The following REN variants were observed in gnomAD, a reference collection of about 807,000 sequenced individuals.
REN encodes the protein angiotensin-forming enzyme.
REN carries 42 observed loss-of-function variants against 48.6 expected under a neutral mutation model. The ratio of observed to expected loss-of-function variants is 0.86; its 90% confidence interval spans 0.68 to 1.12. The LOEUF is 1.12. Among genes scored for constraint, REN ranks in the 50% most tolerant of loss-of-function variants. REN has a pLI of 0.00. For missense variants in REN, 443 were observed against 527.3 expected (o/e 0.84, Z 1.57); for synonymous variants, 196 against 204.6 (o/e 0.96, Z 0.36).
chr1:204,160,716 G>A (rs1000761342), intron 3 of REN, 38 bp from the exon 4 acceptor site: 2 of 1,456,186 alleles, frequency 1.4e-6, no homozygotes, highest in Non-Finnish European at 1.9e-6. Flanking sequence ...GTCCAAGAGT[G>A]GCCCAGACAG....
intron 2 of REN, 137 bp from the exon 3 acceptor site, chr1:204,161,552 C>T: frequency 1.3e-6 from 1 of 795,826 alleles, no homozygotes. Context: ...TTCCATTTTC[C>T]TGCAGGAACT....
chr1:204,155,926 G>T lies in REN; in HGVS notation c.961-8C>A, dbSNP rs370025043. The T allele has an allele frequency of 7.3e-5, 117 of 1,607,538 alleles. 1 individual carries two copies. The highest frequency in any genetic ancestry group is 3.3e-4 in the Middle Eastern group (2 of 6,054). On this transcript the variant is annotated splice_polypyrimidine_tract_variant and splice_region_variant and intron_variant, in intron 8 of 9. Transcript: ENST00000272190. ...GTTACACTTCACGACATACTGGGGT[G>T]GGGGGCAAAGAGAGCCTTCTTGAGT...
chr1:204,162,986 C>T (rs1198925837), intron 1 of REN, among the ~76,000 whole-genome samples: 1 of 152,204 alleles, frequency 6.6e-6, no homozygotes, highest in Non-Finnish European at 1.5e-5. Flanking sequence ...AATGAAGGCT[C>T]ACAGGGACAA....
chr1:204,157,222 GGA>G, intron 6 of REN, 137 bp downstream of exon 6: 1 of 1,169,522 alleles, frequency 8.6e-7, no homozygotes, highest in Non-Finnish European at 1.3e-6. Context: ...AGAGCAGGAA[GGA>G]GAGACAGAGA....
intron 5 of REN, among the ~76,000 whole-genome samples, chr1:204,158,436 G>A (rs1264561456): frequency 6.3e-5 from 2 of 31,858 alleles, no homozygotes; most frequent in South Asian, 2.0e-3. Flanking sequence ...TTTTTTTTTT[G>A]AGACTGGATC....
chr1:204,156,826 C>T lies in REN; in HGVS notation c.699-30G>A, dbSNP rs778456264. ...AGGAAAGATCAGAAGCTCTTGGAAACCCATAACCTCCAGGACCCAGCAACT... is the reference window on the plus strand; with the variant it reads ...AGGAAAGATCAGAAGCTCTTGGAAATCCATAACCTCCAGGACCCAGCAACT... On this transcript the variant is annotated intron_variant, in intron 6 of 9. Coordinates refer to ENST00000272190, the MANE Select transcript of REN (RefSeq NM_000537.4). This position sits in a 1 kb window ranked among gnomAD's most constrained non-coding sequence, Gnocchi z 4.2. The T allele has an allele frequency of 1.9e-6, 3 of 1,612,444 alleles. No homozygotes were observed. The highest frequency in any genetic ancestry group is 1.7e-6 in the Non-Finnish European group (2 of 1,180,018).
intron 4 of REN, 22 bp downstream of exon 4, chr1:204,160,538 G>T (rs766112621): frequency 6.5e-7 from 1 of 1,533,358 alleles, no homozygotes; most frequent in Admixed American, 1.7e-5. Flanking sequence ...CGGGGCAGAT[G>T]ACCTAGGGCG....
At position 204,162,049 on chromosome 1, in the gene REN, G is replaced by A. The variant is rs554550392; in HGVS notation, c.213C>T (p.Asn71=). 1.2e-6 allele frequency: 2 copies of A among 1,614,162 alleles called. No homozygotes were observed. Among genetic ancestry groups the A allele is most frequent in the Non-Finnish European group, 1.7e-6 (2 of 1,180,030 alleles). ...TGGTGAGGATCACGGAGGAGGTGGT[G>A]TTGCCAAGTGTCAGCCTCTTCATGG... ...SQPMKRLTLG[N]TTSSVILTNY... The change falls in exon 2 of 10, where the codon AAC becomes AAT. Residue 71 remains asparagine, a synonymous_variant. Transcript: ENST00000272190.
In REN at chr1:204,155,930, G is replaced by T. The variant is rs886045834; in HGVS notation, c.961-12C>A. ...CACTTCACGACATACTGGGGTGGGG[G>T]GCAAAGAGAGCCTTCTTGAGTATGG... On this transcript the variant is annotated splice_polypyrimidine_tract_variant and intron_variant, in intron 8 of 9. Transcript: ENST00000272190. 3 of 1,603,030 alleles carry T rather than the reference G, an allele frequency of 1.9e-6. No individual in the cohort carries two copies. The highest frequency in any genetic ancestry group is 1.1e-5 in the South Asian group (1 of 90,800).
At chr1:204,166,119 T>A in intron 1 of REN, 77 bp downstream of exon 1, 2 of 1,186,068 alleles carry the variant, frequency 1.7e-6, no homozygotes, top group Non-Finnish European at 1.3e-6. Flanking sequence ...TGACACCGCA[T>A]GTGGAAAAGC....
rs866623763 is a variant in REN, at chr1:204,161,219, G to A, written c.373+73C>T. The A allele has an allele frequency of 1.6e-5, 23 of 1,483,732 alleles. No homozygotes were observed. In the Middle Eastern group the frequency reaches 1.8e-3, roughly 116 times the overall value. 91.9% of individuals were successfully genotyped at this position (1,483,732 alleles called of 1,614,324 possible). On this transcript the variant is annotated intron_variant, in intron 3 of 9. Coordinates refer to ENST00000272190, the MANE Select transcript of REN (RefSeq NM_000537.4). The stretch of plus-strand genomic sequence containing the variant: ...TGGTGGCAAGAGGGATGGGAGCTGG[G>A]TGTTGGGCAGGATTGCTCATGCACA...
At chr1:204,162,813 C>T (rs1409487014) in intron 1 of REN, among the ~76,000 whole-genome samples, 1 of 152,234 alleles carries the variant, frequency 6.6e-6, no homozygotes, top group Non-Finnish European at 1.5e-5. Flanking sequence ...CGCCATGCAC[C>T]TCGTCCTTGG....
At position 204,162,013 on chromosome 1, in the gene REN, G is replaced by A. The variant is rs766883051; in HGVS notation, c.249C>T (p.Asp83=). Residue 83 remains aspartate (D), a splice_region_variant and synonymous_variant, in exon 2 of 10, where the codon GAC becomes GAT. Transcript: ENST00000272190. The part of the protein sequence containing the change: ...TSSVILTNYM[D]TQYYGEIGIG... ...GCGAGGGGCTGAGCCAAGCACTCAC[G>A]TCCATGTAGTTGGTGAGGATCACGG... is the stretch of plus-strand genomic sequence containing the variant. 5.6e-5 allele frequency: 90 copies of A among 1,614,156 alleles called. No individual in the cohort carries two copies. In the Middle Eastern group the frequency reaches 9.9e-4, roughly 18 times the overall value.
In REN at chr1:204,156,683, A is replaced by G. The variant is rs758564400; in HGVS notation, c.812T>C (p.Met271Thr). Residue 271 changes from methionine (M) to threonine (T), a missense_variant, in exon 7 of 10, where the codon ATG becomes ACG. Physicochemically the swap from Met to Thr is moderately conservative, Grantham distance 81 (BLOSUM62 -1). Transcript: ENST00000272190. This position sits in a 1 kb window ranked among gnomAD's most constrained non-coding sequence, Gnocchi z 4.2. ...LIKTGVWQIQ[M>T]KGVSVGSSTL... Reference sequence around the variant, plus strand: ...AGGGTTGAGGATTTCTGACCCCTTCATTTGAATCTGCCAGACACCAGTCTT... The same window carrying G: ...AGGGTTGAGGATTTCTGACCCCTTCGTTTGAATCTGCCAGACACCAGTCTT... 2 of 1,613,902 alleles carry G rather than the reference A, an allele frequency of 1.2e-6. No individual in the cohort carries two copies. The highest frequency in any genetic ancestry group is 1.1e-5 in the South Asian group (1 of 91,066).
intron 2 of REN, among the ~76,000 whole-genome samples, chr1:204,161,618 A>C (rs1658248208): frequency 6.6e-6 from 1 of 152,012 alleles, no homozygotes; most frequent in Non-Finnish European, 1.5e-5. Context: ...TCTCAGTAAG[A>C]CAAGAGGGCA....
Position 204,155,152 on chromosome 1 carries a change from C to G in REN, c.1085G>C (p.Cys362Ser). The G allele has an allele frequency of 6.2e-7, 1 of 1,614,212 alleles. No homozygotes were observed. Among genetic ancestry groups the G allele is most frequent in the Non-Finnish European group, 8.5e-7 (1 of 1,180,020 alleles). ...ATCCATGGCGTGGATGGCCAGTGTG[C>G]ACAGCTTTTTACTACTGTAGGATTC... Reference protein sequence around the residue: ...FQESYSSKKLCTLAIHAMDIP... With the variant: ...FQESYSSKKLSTLAIHAMDIP... The change falls in exon 10 of 10, where the codon TGC (cysteine) becomes TCC (serine). Residue 362 changes from cysteine to serine, a missense_variant. Coordinates refer to ENST00000272190, the MANE Select transcript of REN (RefSeq NM_000537.4).
intron 1 of REN, among the ~76,000 whole-genome samples, chr1:204,164,826 T>C (rs1658315785): frequency 6.6e-6 from 1 of 151,710 alleles, no homozygotes; most frequent in South Asian, 2.1e-4. Context: ...CCTCAGCCTC[T>C]CAAAGTGCTG....
intron 1 of REN, 112 bp from the exon 2 acceptor site, chr1:204,162,275 C>T (rs1658260271): frequency 8.5e-7 from 1 of 1,173,178 alleles, no homozygotes; most frequent in Non-Finnish European, 1.2e-6. Context: ...AACGTTAGCC[C>T]AGCCACCTGG....
In REN at chr1:204,156,662, T is replaced by C. The variant is rs765401128; in HGVS notation, c.818+15A>G. 6.8e-7 allele frequency: 1 copy of C among 1,460,676 alleles called. No individual in the cohort carries two copies. Among genetic ancestry groups the C allele is most frequent in the South Asian group, 1.1e-5 (1 of 88,814 alleles). 90.5% of individuals were successfully genotyped at this position (1,460,676 alleles called of 1,614,324 possible). ...AGCATTTTTTGGAGCCCGGGGAGGGTTGAGGATTTCTGACCCCTTCATTTG... is the reference window on the plus strand; with the variant it reads ...AGCATTTTTTGGAGCCCGGGGAGGGCTGAGGATTTCTGACCCCTTCATTTG... On this transcript the variant is annotated intron_variant, in intron 7 of 9. Transcript: ENST00000272190. The surrounding 1 kb of genome is among the most constrained non-coding windows in gnomAD (Gnocchi z 4.2).
Sources: allele counts gnomAD v4.1 joint callset (sites outside exome capture counted in the v4.1 genomes callset), GRCh38; gene constraint gnomAD v4.1.1; non-coding constraint Gnocchi (gnomAD v3.1); transcripts MANE v1.5; gene names NCBI Gene and HGNC (gene_info 2026-07-23, HGNC 2026-07-21).